CSTPP1: variants seen among roughly 807,000 people sequenced by gnomAD.
CSTPP1 encodes the protein centriolar satellite-associated tubulin polyglutamylase complex regulator 1.
At chr11:46,939,704 C>A in the CSTPP1 span, among the ~76,000 whole-genome samples, 2 of 151,970 alleles carry the variant, frequency 1.3e-5, no homozygotes, top group African/African-American at 4.8e-5. Flanking sequence ...AAGCCTACCC[C>A]TTTGCCTCCA....
the CSTPP1 span, among the ~76,000 whole-genome samples, chr11:47,036,201 T>A: frequency 2.8e-4 from 16 of 56,724 alleles, 1 homozygote; most frequent in East Asian, 6.1e-4. Context: ...TATTATATAT[T>A]ATATATTATA....
chr11:47,010,231 A>G, the CSTPP1 span, among the ~76,000 whole-genome samples: 1 of 152,250 alleles, frequency 6.6e-6, no homozygotes. Flanking sequence ...TCCCAAGTTT[A>G]GTGTGCCTTG....
chr11:47,127,837 G>A, the CSTPP1 span, among the ~76,000 whole-genome samples: 1 of 151,928 alleles, frequency 6.6e-6, no homozygotes. Flanking sequence ...ACCAGGATTT[G>A]GACCCAGATC....
the CSTPP1 span, among the ~76,000 whole-genome samples, chr11:47,115,651 G>C: frequency 6.6e-6 from 1 of 151,968 alleles, no homozygotes; most frequent in Non-Finnish European, 1.5e-5. Flanking sequence ...TGGGATCGGT[G>C]ATGATATCCC....
the CSTPP1 span, among the ~76,000 whole-genome samples, chr11:47,062,937 G>A: frequency 2.6e-5 from 4 of 152,182 alleles, no homozygotes; most frequent in African/African-American, 9.7e-5. Flanking sequence ...GCTCCCTTTA[G>A]ACAGGGCATG....
chr11:47,029,874 G>A, the CSTPP1 span, among the ~76,000 whole-genome samples: 1 of 150,710 alleles, frequency 6.6e-6, no homozygotes, highest in South Asian at 2.1e-4. Context: ...AAAACAGGAG[G>A]ATCGCTTGAG....
At chr11:46,970,402 TAATA>T in the CSTPP1 span, among the ~76,000 whole-genome samples, 4,369 of 150,130 alleles carry the variant, frequency 0.029, 64 homozygotes, top group African/African-American at 0.043. Context: ...TTTATAATAA[TAATA>T]AATAAATAAA....
chr11:47,048,806 T>A, the CSTPP1 span, among the ~76,000 whole-genome samples: 1 of 152,164 alleles, frequency 6.6e-6, no homozygotes, highest in East Asian at 1.9e-4. Context: ...AATTGTACAG[T>A]TGCAAATGGT....
chr11:47,158,146 A>G, the CSTPP1 span, among the ~76,000 whole-genome samples: 1 of 152,126 alleles, frequency 6.6e-6, no homozygotes, highest in Non-Finnish European at 1.5e-5. Flanking sequence ...CCCTGCCCCA[A>G]CATGAAACCA....
the CSTPP1 span, chr11:47,164,035 C>A: frequency 6.5e-7 from 1 of 1,549,920 alleles, no homozygotes; most frequent in South Asian, 1.2e-5. Flanking sequence ...GCTCGCTCGC[C>A]CTCAGCCAGC....
chr11:47,112,202 C>T, the CSTPP1 span, among the ~76,000 whole-genome samples: 3 of 152,304 alleles, frequency 2.0e-5, no homozygotes, highest in South Asian at 6.2e-4. Context: ...GAGAATTGAA[C>T]CACCAGTACC....
At chr11:47,001,127 AC>A in the CSTPP1 span, among the ~76,000 whole-genome samples, 1 of 152,156 alleles carries the variant, frequency 6.6e-6, no homozygotes, top group Non-Finnish European at 1.5e-5. Context: ...TTCTTTGTCC[AC>A]CTTGATTATC....
chr11:47,101,174 T>TTTTTTG, the CSTPP1 span, among the ~76,000 whole-genome samples: 1 of 87,010 alleles, frequency 1.1e-5, no homozygotes, highest in Non-Finnish European at 2.6e-5. Context: ...ATTTTTTTTT[T>TTTTTTG]TTTTTTTTTT....
chr11:46,963,011 A>G, the CSTPP1 span, among the ~76,000 whole-genome samples: 1 of 152,204 alleles, frequency 6.6e-6, no homozygotes, highest in African/African-American at 2.4e-5. Flanking sequence ...ATTAGCTCTA[A>G]TAGTTTCTTA....
chr11:47,041,247 T>C, the CSTPP1 span: 1 of 243,864 alleles, frequency 4.1e-6, no homozygotes, highest in Non-Finnish European at 8.7e-6. Context: ...GATGATGATG[T>C]TGTATGTGTC....
chr11:47,117,877 C>CTTTTTTTTT, the CSTPP1 span, among the ~76,000 whole-genome samples: 1 of 66,370 alleles, frequency 1.5e-5, no homozygotes, highest in African/African-American at 6.3e-5. Flanking sequence ...TATTTCTTTT[C>CTTTTTTTTT]TTTTTTTTTT....
At chr11:47,039,348 C>T in the CSTPP1 span, among the ~76,000 whole-genome samples, 1 of 127,294 alleles carries the variant, frequency 7.9e-6, no homozygotes, top group Admixed American at 8.4e-5. Context: ...CAAAAAAATA[C>T]GAAAACCAGT....
At chr11:47,099,592 C>G in the CSTPP1 span, among the ~76,000 whole-genome samples, 1 of 152,206 alleles carries the variant, frequency 6.6e-6, no homozygotes. Flanking sequence ...TGCTTTTCCT[C>G]TCAAAGCTGT....
the CSTPP1 span, chr11:46,947,985 A>C: frequency 2.2e-6 from 1 of 450,910 alleles, no homozygotes; most frequent in South Asian, 1.6e-5. Flanking sequence ...CCAACTTACA[A>C]AGACCTGTTC....
Sources: allele counts gnomAD v4.1 joint callset (sites outside exome capture counted in the v4.1 genomes callset), GRCh38; gene constraint gnomAD v4.1.1; transcripts MANE v1.5; gene names NCBI Gene and HGNC (gene_info 2026-07-23, HGNC 2026-07-21).